CFAP77: variants seen among roughly 807,000 people sequenced by gnomAD.
CFAP77 encodes cilia- and flagella-associated protein 77.
Under a neutral mutation model 31.1 loss-of-function variants are expected in CFAP77, and 25 were observed. That is an observed-to-expected ratio of 0.80 (90% CI 0.59 to 1.12). The LOEUF (loss-of-function observed/expected upper bound fraction) is 1.12. Among genes scored for constraint, CFAP77 ranks in the 50% most tolerant of loss-of-function variants. The probability of loss-of-function intolerance (pLI) is 0.00; values close to 1 mark genes in which losing one functional copy is unlikely to be tolerated. For synonymous variants in CFAP77, 151 were observed against 159.9 expected (o/e 0.94, Z 0.42); for missense variants, 377 against 397.3 (o/e 0.95, Z 0.44).
intron 1 of CFAP77, among the ~76,000 whole-genome samples, chr9:132,487,814 G>T (rs1473872680): frequency 6.6e-6 from 1 of 152,060 alleles, no homozygotes; most frequent in Non-Finnish European, 1.5e-5. Context: ...GCCCTTTGAT[G>T]CATAATGCAC....
At chr9:132,458,938 G>T (rs1036555994) in intron 1 of CFAP77, among the ~76,000 whole-genome samples, 2 of 152,192 alleles carry the variant, frequency 1.3e-5, no homozygotes, top group African/African-American at 4.8e-5. Flanking sequence ...ACACTCAGGG[G>T]TGAGGATAGT....
rs1226682413 is a variant in CFAP77, at chr9:132,511,581, C to T, written c.524+11981C>T. On this transcript the variant is annotated intron_variant, in intron 3 of 5. Transcript: ENST00000393216. The surrounding 1 kb of genome is among the most constrained non-coding windows in gnomAD (Gnocchi z 5.8). Reference sequence around the variant, plus strand: ...GGGAACAGATTGCTCAAATGCAGTGCGTCCTGGATTTTGGGAACAGGCACT... The same window carrying T: ...GGGAACAGATTGCTCAAATGCAGTGTGTCCTGGATTTTGGGAACAGGCACT... Among the ~76,000 whole-genome samples, 2 of 152,214 alleles carry T rather than the reference C, an allele frequency of 1.3e-5. No homozygotes were observed. The highest frequency in any genetic ancestry group is 2.9e-5 in the Non-Finnish European group (2 of 68,040).
At chr9:132,486,090 AT>A (rs1178281920) in intron 1 of CFAP77, among the ~76,000 whole-genome samples, 199 of 15,350 alleles carry the variant, frequency 0.013, 6 homozygotes, top group South Asian at 0.016. Flanking sequence ...ATATATATAT[AT>A]TTTTTTTTTT....
intron 5 of CFAP77, among the ~76,000 whole-genome samples, chr9:132,557,759 C>T (rs577173644): frequency 1.1e-4 from 16 of 152,314 alleles, no homozygotes; most frequent in African/African-American, 3.9e-4. Context: ...CTACCGGCCT[C>T]CTCATTTCTT....
At chr9:132,524,274 G>A (rs1321159562) in intron 3 of CFAP77, among the ~76,000 whole-genome samples, 3 of 151,882 alleles carry the variant, frequency 2.0e-5, no homozygotes, top group Non-Finnish European at 4.4e-5. Flanking sequence ...TTCTGGAATA[G>A]TTTCTATAGG....
chr9:132,435,986 A>T (rs1189805885), intron 1 of CFAP77, among the ~76,000 whole-genome samples: 1 of 152,190 alleles, frequency 6.6e-6, no homozygotes, highest in Non-Finnish European at 1.5e-5. Context: ...GTGAACTGAG[A>T]TCGGCAGCAG....
chr9:132,441,867 G>T (rs1035928687), intron 1 of CFAP77, among the ~76,000 whole-genome samples: 4 of 152,204 alleles, frequency 2.6e-5, no homozygotes, highest in African/African-American at 4.8e-5. Flanking sequence ...TGCTGGAGAC[G>T]CAGAGTCTCA....
chr9:132,454,426 C>T (rs1850879382), intron 1 of CFAP77, among the ~76,000 whole-genome samples: 1 of 152,060 alleles, frequency 6.6e-6, no homozygotes, highest in South Asian at 2.1e-4. Flanking sequence ...GTTTTACTTC[C>T]CCACATGAAT....
chr9:132,423,951 T>A (rs1447154455), intron 1 of CFAP77, among the ~76,000 whole-genome samples: 1 of 152,164 alleles, frequency 6.6e-6, no homozygotes, highest in East Asian at 1.9e-4. Flanking sequence ...TGCGTCTATA[T>A]CTATCTGAAG....
At chr9:132,451,420 T>A (rs897336161) in intron 1 of CFAP77, among the ~76,000 whole-genome samples, 1 of 151,098 alleles carries the variant, frequency 6.6e-6, no homozygotes, top group African/African-American at 2.4e-5. Flanking sequence ...TTAGCGCTGG[T>A]GGTTTTAACA....
In CFAP77 at chr9:132,480,363, T is replaced by C. The variant is rs1851424522; in HGVS notation, c.196-18332T>C. Among the ~76,000 whole-genome samples the C allele has an allele frequency of 6.6e-6, 1 of 152,182 alleles. No individual in the cohort carries two copies. Among genetic ancestry groups the C allele is most frequent in the Non-Finnish European group, 1.5e-5 (1 of 68,024 alleles). On this transcript the variant is annotated intron_variant, in intron 1 of 5. Coordinates refer to ENST00000393216, the MANE Select transcript of CFAP77 (RefSeq NM_001282957.2). The surrounding 1 kb of genome is among the most constrained non-coding windows in gnomAD (Gnocchi z 5.8). Reference sequence around the variant, plus strand: ...TCATAGCTCAACTCCCTAGGGAATTTGAGAACAGATTCCAGACCCTGTTCT... The same window carrying C: ...TCATAGCTCAACTCCCTAGGGAATTCGAGAACAGATTCCAGACCCTGTTCT...
chr9:132,441,564 G>A (rs1044399184), intron 1 of CFAP77, among the ~76,000 whole-genome samples: 1 of 152,200 alleles, frequency 6.6e-6, no homozygotes, highest in African/African-American at 2.4e-5. Context: ...GAAACTGAGT[G>A]TTCTGAATTG....
chr9:132,447,333 A>T (rs2131708762), intron 1 of CFAP77, among the ~76,000 whole-genome samples: 1 of 152,320 alleles, frequency 6.6e-6, no homozygotes, highest in East Asian at 1.9e-4. Flanking sequence ...AACTGGGTGG[A>T]GTTAATGATC....
At chr9:132,561,365 T>C (rs572350649) in intron 5 of CFAP77, among the ~76,000 whole-genome samples, 107 of 151,168 alleles carry the variant, frequency 7.1e-4, no homozygotes, top group South Asian at 2.7e-3. Context: ...AAATCTGTTT[T>C]CCCCCCCCAA....
chr9:132,550,032 A>C (rs1257684752), intron 5 of CFAP77, among the ~76,000 whole-genome samples: 1 of 152,154 alleles, frequency 6.6e-6, no homozygotes, highest in African/African-American at 2.4e-5. Context: ...GTGGGGAGTG[A>C]TGGGGGAATA....
intron 1 of CFAP77, among the ~76,000 whole-genome samples, chr9:132,475,167 C>A (rs116773836): frequency 7.9e-5 from 12 of 152,160 alleles, no homozygotes; most frequent in Admixed American, 4.6e-4. Context: ...GGTCTTCCAG[C>A]GAGAAGAAAC....
At chr9:132,482,923 G>A (rs1446063910) in intron 1 of CFAP77, among the ~76,000 whole-genome samples, 2 of 147,382 alleles carry the variant, frequency 1.4e-5, no homozygotes, top group African/African-American at 5.0e-5. Flanking sequence ...TGCACATTGT[G>A]CACATGTACC....
In CFAP77 at chr9:132,499,837, G is replaced by T. The variant is rs1041600424; in HGVS notation, c.524+237G>T. 3.9e-5 allele frequency among the ~76,000 whole-genome samples: 6 copies of T among 152,112 alleles called. No individual in the cohort carries two copies. The highest frequency in any genetic ancestry group is 5.9e-5 in the Non-Finnish European group (4 of 68,018). ...GTGCACAGGTCACCCACTTTCCCTT[G>T]ATCAACAAACAGTGATTGAGACCTG... On this transcript the variant is annotated intron_variant, in intron 3 of 5. Transcript: ENST00000393216. This position sits in a 1 kb window ranked among gnomAD's most constrained non-coding sequence, Gnocchi z 5.4.
At chr9:132,502,244 T>G (rs1159869584) in intron 3 of CFAP77, among the ~76,000 whole-genome samples, 1 of 137,882 alleles carries the variant, frequency 7.3e-6, no homozygotes, top group Admixed American at 7.4e-5. Context: ...CCTTTGACTG[T>G]GCCATCATAT....
Sources: gnomAD v4.1 joint callset for allele counts (sites outside exome capture counted in the v4.1 genomes callset) on GRCh38, gnomAD v4.1.1 for gene constraint, Gnocchi (gnomAD v3.1) non-coding constraint, MANE v1.5 for transcripts, NCBI Gene and HGNC (gene_info 2026-07-23, HGNC 2026-07-21) for gene names.